Variants in ANKRD28 observed in about 807,000 individuals in gnomAD.
ANKRD28 encodes the protein ankyrin repeat domain 28.
ANKRD28 carries 44 observed loss-of-function variants against 126.5 expected under a neutral mutation model. The observed-to-expected ratio is 0.35, with a 90% CI of 0.27 to 0.45. The LOEUF is 0.45. Among genes scored for constraint, ANKRD28 ranks in the 20% least tolerant of loss-of-function variants. The pLI is 1.00. For synonymous variants in ANKRD28, 442 were observed against 468.5 expected (o/e 0.94, Z 0.73); for missense variants, 1,110 against 1,316.6 (o/e 0.84, Z 2.43).
At chr3:15,725,563 A>C (rs959912981) in intron 6 of ANKRD28, among the ~76,000 whole-genome samples, 1 of 149,520 alleles carries the variant, frequency 6.7e-6, no homozygotes, top group East Asian at 2.4e-4. Flanking sequence ...GGTGTCAAGC[A>C]AGTCTATTGG....
chr3:15,788,837 A>G (rs1397128868), intron 2 of ANKRD28, among the ~76,000 whole-genome samples: 1 of 152,098 alleles, frequency 6.6e-6, no homozygotes, highest in Non-Finnish European at 1.5e-5. Flanking sequence ...TAGAATTTTT[A>G]GAGTGTCCTG....
chr3:15,772,354 A>G (rs577242648), intron 2 of ANKRD28, among the ~76,000 whole-genome samples: 8 of 152,298 alleles, frequency 5.3e-5, no homozygotes, highest in African/African-American at 1.7e-4. Flanking sequence ...GATTATCAAT[A>G]AAATCCCCAA....
In ANKRD28 at chr3:15,833,987, T is replaced by G. The variant is rs999385611; in HGVS notation, c.27+25390A>C. ...TTCTGGATATTAGCCTTTTGTCAGA[T>G]GCAGTTTTCACATTTTGCACATATT... On this transcript the variant is annotated intron_variant, in intron 1 of 27. Coordinates refer to the ANKRD28 transcript ENST00000399451. This position sits in a 1 kb window ranked among gnomAD's most constrained non-coding sequence, Gnocchi z 4.4. Among the ~76,000 whole-genome samples, 9 of 152,204 alleles carry G rather than the reference T, an allele frequency of 5.9e-5. No individual in the cohort carries two copies. Among genetic ancestry groups the G allele is most frequent in the African/African-American group, 2.2e-4 (9 of 41,460 alleles).
At chr3:15,797,998 T>C (rs1336354859), upstream of ANKRD28, 2 of 985,276 alleles carry the variant, frequency 2.0e-6, no homozygotes, top group Non-Finnish European at 2.4e-6. Context: ...TCTCGGGATG[T>C]AACTTCCTCT....
intron 3 of ANKRD28, among the ~76,000 whole-genome samples, chr3:15,764,975 CA>C (rs2058673249): frequency 6.6e-6 from 1 of 150,762 alleles, no homozygotes; most frequent in Non-Finnish European, 1.5e-5. Flanking sequence ...TTTGTAACGG[CA>C]AAACTCTGGG....
chr3:15,745,553 G>C (rs1185792642), intron 4 of ANKRD28, among the ~76,000 whole-genome samples: 1 of 152,082 alleles, frequency 6.6e-6, no homozygotes, highest in African/African-American at 2.4e-5. Context: ...TTCTATTTCT[G>C]TTCCATTGCT....
At chr3:15,730,844 C>T (rs2074538716) in intron 6 of ANKRD28, among the ~76,000 whole-genome samples, 1 of 152,110 alleles carries the variant, frequency 6.6e-6, no homozygotes, top group South Asian at 2.1e-4. Flanking sequence ...AGTGTAATCC[C>T]CAAGGCAACA....
chr3:15,768,670 G>A (rs1474276782), intron 2 of ANKRD28, among the ~76,000 whole-genome samples: 2 of 151,168 alleles, frequency 1.3e-5, no homozygotes, highest in East Asian at 1.9e-4. Flanking sequence ...CGGCGGTGGG[G>A]CAGGGGGGCA....
chr3:15,850,307 T>C (rs984026532), intron 1 of ANKRD28, among the ~76,000 whole-genome samples: 1 of 147,772 alleles, frequency 6.8e-6, no homozygotes, highest in Non-Finnish European at 1.5e-5. Context: ...CAACTCAATA[T>C]GGATCACAGC....
chr3:15,834,096 G>A (rs1467981658), intron 1 of ANKRD28, among the ~76,000 whole-genome samples: 1 of 151,928 alleles, frequency 6.6e-6, no homozygotes, highest in Admixed American at 6.6e-5. Context: ...TGTCTCATTT[G>A]TGTATTTTTG....
At chr3:15,782,552 G>A (rs1472663805) in intron 2 of ANKRD28, among the ~76,000 whole-genome samples, 2 of 152,052 alleles carry the variant, frequency 1.3e-5, no homozygotes, top group African/African-American at 2.4e-5. Flanking sequence ...GAGTGGCTAA[G>A]TGGAACTAAA....
Position 15,764,965 on chromosome 3 carries a change from T to C in ANKRD28, c.280+1269A>G, listed in dbSNP as rs1243394426. On this transcript the variant is annotated intron_variant, in intron 3 of 27. Transcript: ENST00000683139. ...CAACTGATTCTTAAATTTTTATGAA[T>C]TTGTAACGGCAAAACTCTGGGCTAT... 3.3e-5 allele frequency among the ~76,000 whole-genome samples: 5 copies of C among 151,772 alleles called. No homozygotes were observed. The East Asian group carries it at 5.8e-4, about 18-fold the overall frequency.
intron 1 of ANKRD28, among the ~76,000 whole-genome samples, chr3:15,829,397 T>G (rs1237416367): frequency 6.6e-6 from 1 of 152,198 alleles, no homozygotes; most frequent in Admixed American, 6.5e-5. Context: ...TAGATACTTG[T>G]GGACAATCTT....
chr3:15,752,314 G>T (rs1479963029), intron 3 of ANKRD28, among the ~76,000 whole-genome samples: 1 of 152,050 alleles, frequency 6.6e-6, no homozygotes, highest in Non-Finnish European at 1.5e-5. Flanking sequence ...AGAAACAATG[G>T]TTACAGATTT....
chr3:15,850,255 AG>A (rs1559598427), intron 1 of ANKRD28, among the ~76,000 whole-genome samples: 34 of 142,034 alleles, frequency 2.4e-4, no homozygotes, highest in African/African-American at 6.9e-4. Context: ...AGAGAGAGAG[AG>A]AGAGAGAAAG....
At chr3:15,711,577 G>T (rs1426220408) in intron 11 of ANKRD28, among the ~76,000 whole-genome samples, 1 of 152,204 alleles carries the variant, frequency 6.6e-6, no homozygotes, top group African/African-American at 2.4e-5. Context: ...TTCAGAACAG[G>T]CAAATTTTAT....
At chr3:15,788,067 C>A (rs2059862416) in intron 2 of ANKRD28, among the ~76,000 whole-genome samples, 1 of 152,114 alleles carries the variant, frequency 6.6e-6, no homozygotes, top group Non-Finnish European at 1.5e-5. Flanking sequence ...ATAATCTCAG[C>A]CTTCCTATGT....
intron 4 of ANKRD28, among the ~76,000 whole-genome samples, chr3:15,743,544 TAACACACA>T (rs1321992019): frequency 1.7e-5 from 2 of 118,906 alleles, no homozygotes; most frequent in Admixed American, 1.8e-4. Context: ...TGTGGCTTTT[TAACACACA>T]CACACACACA....
intron 3 of ANKRD28, among the ~76,000 whole-genome samples, chr3:15,758,450 A>T (rs528597136): frequency 3.3e-5 from 5 of 152,280 alleles, no homozygotes; most frequent in East Asian, 1.9e-4. Context: ...TCAACTCCCA[A>T]CCCCTGGCAA....
Sources: allele counts gnomAD v4.1 joint callset (sites outside exome capture counted in the v4.1 genomes callset), GRCh38; gene constraint gnomAD v4.1.1; non-coding constraint Gnocchi (gnomAD v3.1); transcripts MANE v1.5; gene names NCBI Gene and HGNC (gene_info 2026-07-23, HGNC 2026-07-21).